Variants in NPIPA5 observed in about 807,000 individuals in gnomAD.
The protein encoded by NPIPA5 is nuclear pore complex interacting protein family member A5.
NPIPA5 carries 6 observed loss-of-function variants against 21.4 expected under a neutral mutation model. The observed-to-expected ratio is 0.28, with a 90% CI of 0.15 to 0.55. The LOEUF is 0.55. NPIPA5 is among the 20% of genes least tolerant of loss of function. The pLI is 0.93. For synonymous variants in NPIPA5, 33 were observed against 115.3 expected (o/e 0.29, Z 4.57); for missense variants, 99 against 318.2 (o/e 0.31, Z 5.24).
chr16:15,371,465 G>C lies in NPIPA5; in HGVS notation c.193-1346C>G, dbSNP rs1176063537. ...CTAAAATGCAACGCAAATCCCATCTGAGATGTGGGTCAGATACCTATGAAT... is the reference window on the plus strand; with the variant it reads ...CTAAAATGCAACGCAAATCCCATCTCAGATGTGGGTCAGATACCTATGAAT... On this transcript the variant is annotated intron_variant, in intron 2 of 7. Coordinates refer to ENST00000360151, the MANE Select transcript of NPIPA5 (RefSeq NM_001277325.2). 3.4e-4 allele frequency among the ~76,000 whole-genome samples: 51 copies of C among 148,894 alleles called. 2 individuals are homozygous for C. Among genetic ancestry groups the C allele is most frequent in the South Asian group, 1.3e-3 (6 of 4,572 alleles).
chr16:15,381,224 T>C (rs904958185), upstream of NPIPA5: 1 of 150,868 alleles, frequency 6.6e-6, no homozygotes, highest in African/African-American at 2.5e-5. Context: ...CTTCATGCCA[T>C]GCAAAATTAC....
At chr16:15,370,742 A>G (rs2150863592) in intron 2 of NPIPA5, among the ~76,000 whole-genome samples, 1 of 127,030 alleles carries the variant, frequency 7.9e-6, no homozygotes, top group East Asian at 2.4e-4. Flanking sequence ...CAAAATTCAA[A>G]CTCTGTCTCA....
At chr16:15,371,462 T>A (rs2050153548) in intron 2 of NPIPA5, among the ~76,000 whole-genome samples, 1 of 148,950 alleles carries the variant, frequency 6.7e-6, no homozygotes, top group Non-Finnish European at 1.5e-5. Context: ...GCAAATCCCA[T>A]CTGAGATGTG....
upstream of NPIPA5, among the ~76,000 whole-genome samples, chr16:15,379,991 G>C (rs988976107): frequency 6.6e-6 from 1 of 150,878 alleles, no homozygotes; most frequent in Admixed American, 6.6e-5. Flanking sequence ...GTGTCTGTGT[G>C]TGTGTGTGTG....
upstream of NPIPA5, among the ~76,000 whole-genome samples, chr16:15,379,201 T>A (rs1179813546): frequency 6.6e-6 from 1 of 152,178 alleles, no homozygotes; most frequent in Non-Finnish European, 1.5e-5. Flanking sequence ...CAGGAAATAT[T>A]CTATTGATGC....
At chr16:15,377,611 GC>G (rs1054574046) in intron 1 of NPIPA5, among the ~76,000 whole-genome samples, 6 of 132,902 alleles carry the variant, frequency 4.5e-5, no homozygotes, top group East Asian at 2.5e-4. Context: ...GGGGACCGGG[GC>G]CGGATCTGAG....
chr16:15,366,755 C>G lies in NPIPA5; in HGVS notation c.443G>C (p.Arg148Thr), dbSNP rs577746381. Residue 148 changes from arginine to threonine, a missense_variant, in exon 5 of 8, where the codon AGG becomes ACG. By Grantham distance (71) the Arg-to-Thr change is moderately conservative. This residue lies in a region of NPIPA5 where 12 missense variants were observed against 18.6 expected (regional missense o/e 0.64). Coordinates refer to ENST00000360151, the MANE Select transcript of NPIPA5 (RefSeq NM_001277325.2). ...GKRKTAKEHL[R>T]KLSMKEREHG... is the part of the protein sequence containing the mutation. Reference sequence around the variant, plus strand: ...CTCACGTTCTTTCATGCTTAGTTTCCTCAGACTAGAAGGGAGAGAAATGCA... The same window carrying G: ...CTCACGTTCTTTCATGCTTAGTTTCGTCAGACTAGAAGGGAGAGAAATGCA... 111 of 1,505,180 alleles carry G rather than the reference C, an allele frequency of 7.4e-5. 2 individuals are homozygous for G. In the South Asian group the frequency reaches 1.3e-3, roughly 18 times the overall value. The allele number at this position is 1,505,180 out of a possible 1,614,324, so 93.2% of individuals were successfully genotyped here.
chr16:15,366,941 A>C (rs1877553155), intron 4 of NPIPA5, among the ~76,000 whole-genome samples, 181 bp from the exon 5 acceptor site: 1 of 152,044 alleles, frequency 6.6e-6, no homozygotes, highest in Non-Finnish European at 1.5e-5. Flanking sequence ...AAAAAAAATC[A>C]CACTCTGGCC....
upstream of NPIPA5, among the ~76,000 whole-genome samples, chr16:15,379,386 G>A (rs1421531496): frequency 5.3e-4 from 81 of 151,686 alleles, no homozygotes; most frequent in East Asian, 2.0e-4. Flanking sequence ...TGGCCAATAT[G>A]GTGAAACCCT....
rs1459323700 is a variant in NPIPA5, at chr16:15,363,680, C to G, written c.1032G>C (p.Arg344=). ...CVCSLPFHPQ[R]MIISRN ...TTCATTAGTTTCTTGAGATTATCATCCGCTGAGGGTGGAAGGGGAGTGAGC... is the reference window on the plus strand; with the variant it reads ...TTCATTAGTTTCTTGAGATTATCATGCGCTGAGGGTGGAAGGGGAGTGAGC... The change falls in exon 8 of 8, where the codon CGG becomes CGC. Residue 344 remains arginine (R), a synonymous_variant. Transcript: ENST00000360151. 17 of 1,506,220 alleles carry G rather than the reference C, an allele frequency of 1.1e-5. 1 individual carries two copies. Among genetic ancestry groups the G allele is most frequent in the Non-Finnish European group, 1.3e-5 (15 of 1,124,778 alleles). 93.3% of individuals were successfully genotyped at this position (1,506,220 alleles called of 1,614,324 possible). A position where few individuals can be genotyped will look rare whatever the true frequency, so the allele number is the denominator to read the frequency against.
chr16:15,371,515 C>CT (rs999144825), intron 2 of NPIPA5, among the ~76,000 whole-genome samples: 9 of 147,812 alleles, frequency 6.1e-5, no homozygotes, highest in African/African-American at 2.2e-4. Context: ...ATTGAAATGA[C>CT]TTTTTTCTTG....
At chr16:15,365,394 CT>C in intron 7 of NPIPA5, 34 bp downstream of exon 7, 1 of 807,108 alleles carries the variant, frequency 1.2e-6, no homozygotes, top group Non-Finnish European at 1.9e-6. Flanking sequence ...ACCTGGCAGA[CT>C]ATGTCCAAAA....
upstream of NPIPA5, among the ~76,000 whole-genome samples, chr16:15,380,460 C>A (rs2050412487): frequency 6.6e-6 from 1 of 151,880 alleles, no homozygotes; most frequent in Non-Finnish European, 1.5e-5. Flanking sequence ...GTAGCTGGAA[C>A]TACAGGCTGA....
At chr16:15,375,559 C>G (rs1209969120) in intron 1 of NPIPA5, among the ~76,000 whole-genome samples, 1 of 149,662 alleles carries the variant, frequency 6.7e-6, no homozygotes, top group East Asian at 2.0e-4. Flanking sequence ...CTAGCTAACA[C>G]GGTGAAACCC....
At chr16:15,380,083 C>G (rs2050402101), upstream of NPIPA5, among the ~76,000 whole-genome samples, 1 of 151,322 alleles carries the variant, frequency 6.6e-6, no homozygotes, top group African/African-American at 2.4e-5. Flanking sequence ...TAATGTTCAA[C>G]TTAATGAATA....
rs930237625 is a variant in NPIPA5 at position 15,369,612 on chromosome 16, G to A, written c.437+100C>T. 15 of 596,496 alleles carry A rather than the reference G, an allele frequency of 2.5e-5. No individual in the cohort carries two copies. The East Asian group carries it at 4.2e-4, about 17-fold the overall frequency. 37.0% of individuals were successfully genotyped at this position (596,496 alleles called of 1,614,324 possible). A position where few individuals can be genotyped will look rare whatever the true frequency, so the allele number is the denominator to read the frequency against. The stretch of plus-strand genomic sequence containing the variant: ...ACTCAATTTTGAACCCACTGAATTT[G>A]CCACAAATATTGTAGAAAATATTCT... On this transcript the variant is annotated intron_variant, in intron 4 of 7. Coordinates refer to ENST00000360151, the MANE Select transcript of NPIPA5 (RefSeq NM_001277325.2).
upstream of NPIPA5, chr16:15,381,497 C>T: frequency 1.0e-6 from 1 of 979,298 alleles, no homozygotes; most frequent in Non-Finnish European, 1.2e-6. Context: ...TAATTATAAC[C>T]CTGTTTAATC....
rs759668623 is a variant in NPIPA5 at position 15,364,045 on chromosome 16, G to C, written c.667C>G (p.Arg223Gly). 1.3e-6 allele frequency: 2 copies of C among 1,573,892 alleles called. No homozygotes were observed. Among genetic ancestry groups the C allele is most frequent in the Admixed American group, 3.6e-5 (2 of 55,908 alleles). ...CAGTAGGGCAATCCTGAAGAATGAC[G>C]ATGCTCCACTGCCGCCATTCTGACC... ...NRVRMAAVEH[R>G]HSSGLPYWPY... The change falls in exon 8 of 8, where the codon CGT becomes GGT. Residue 223 changes from arginine (R) to glycine (G), a missense_variant. Around this residue, in one of 5 missense-constraint regions of NPIPA5, gnomAD observed 7 missense variants for 74.4 expected, o/e 0.09. Transcript: ENST00000360151.
chr16:15,373,486 C>G (rs1354359487), intron 2 of NPIPA5, among the ~76,000 whole-genome samples: 1 of 140,098 alleles, frequency 7.1e-6, no homozygotes, highest in Non-Finnish European at 1.5e-5. Context: ...GTTAAAAAAA[C>G]TTATTTTTGA....
Sources: gnomAD v4.1 joint callset for allele counts (sites outside exome capture counted in the v4.1 genomes callset) on GRCh38, gnomAD v4.1.1 for gene constraint, gnomAD v4.1.1 regional missense constraint, MANE v1.5 for transcripts, NCBI Gene and HGNC (gene_info 2026-07-23, HGNC 2026-07-21) for gene names.